KIAA1328: variants seen among roughly 807,000 people sequenced by gnomAD.
KIAA1328 encodes KIAA1328.
Under a neutral mutation model 68.1 loss-of-function variants are expected in KIAA1328, and 52 were observed. That is an observed-to-expected ratio of 0.76 (90% CI 0.61 to 0.96). KIAA1328 has a LOEUF of 0.96. KIAA1328 is among the 40% of genes least tolerant of loss of function. The pLI is 0.00. For synonymous variants in KIAA1328, 232 were observed against 239.4 expected, an observed-to-expected ratio of 0.97 and a Z score of 0.28; for missense variants, 641 against 677.6, an observed-to-expected ratio of 0.95 and a Z score of 0.60.
At chr18:37,010,918 A>T (rs1380581980) in intron 6 of KIAA1328, among the ~76,000 whole-genome samples, 1 of 152,210 alleles carries the variant, frequency 6.6e-6, no homozygotes, top group Non-Finnish European at 1.5e-5. Flanking sequence ...AAATTTTCTA[A>T]CCATGAAATT....
At chr18:36,983,964 T>G (rs1314011471) in intron 6 of KIAA1328, among the ~76,000 whole-genome samples, 1 of 152,114 alleles carries the variant, frequency 6.6e-6, no homozygotes, top group Admixed American at 6.6e-5. Flanking sequence ...GGAAACCAAT[T>G]AACACAATTC....
At chr18:36,991,248 T>C (rs934314584) in intron 6 of KIAA1328, among the ~76,000 whole-genome samples, 1 of 152,210 alleles carries the variant, frequency 6.6e-6, no homozygotes. Context: ...TTTTCTCTTA[T>C]GGCTGCATAG....
chr18:37,186,094 C>CTTTTTTTTTTTTTT (rs748423012), intron 9 of KIAA1328, among the ~76,000 whole-genome samples: 1 of 90,434 alleles, frequency 1.1e-5, no homozygotes. Flanking sequence ...TCAAGGATGT[C>CTTTTTTTTTTTTTT]TTTTTTTTTT....
At chr18:37,051,282 G>A (rs2055684687) in intron 6 of KIAA1328, among the ~76,000 whole-genome samples, 1 of 150,602 alleles carries the variant, frequency 6.6e-6, no homozygotes, top group South Asian at 2.1e-4. Flanking sequence ...ACTCTGAAAG[G>A]ATAAACAAAA....
intron 4 of KIAA1328, among the ~76,000 whole-genome samples, chr18:36,846,284 G>A (rs1418496390): frequency 2.0e-5 from 3 of 151,404 alleles, no homozygotes; most frequent in South Asian, 2.1e-4. Flanking sequence ...GTATACTTAC[G>A]TCTCTTTTAT....
At chr18:37,136,234 A>G (rs1225126022) in intron 7 of KIAA1328, among the ~76,000 whole-genome samples, 1 of 152,114 alleles carries the variant, frequency 6.6e-6, no homozygotes, top group Non-Finnish European at 1.5e-5. Context: ...CTTAAAGGAG[A>G]TTTCAGCCAC....
intron 5 of KIAA1328, among the ~76,000 whole-genome samples, chr18:36,947,557 G>T (rs946825648): frequency 1.3e-5 from 2 of 152,200 alleles, no homozygotes; most frequent in Non-Finnish European, 2.9e-5. Context: ...ATAGAAAGGA[G>T]TGTCTGGGTA....
intron 5 of KIAA1328, among the ~76,000 whole-genome samples, chr18:36,944,389 T>C (rs1376344444): frequency 6.6e-6 from 1 of 152,038 alleles, no homozygotes; most frequent in South Asian, 2.1e-4. Context: ...CCATCCTGGC[T>C]AACACGGTGA....
At chr18:36,983,256 C>T (rs1485638061) in intron 6 of KIAA1328, among the ~76,000 whole-genome samples, 1 of 151,810 alleles carries the variant, frequency 6.6e-6, no homozygotes, top group Non-Finnish European at 1.5e-5. Flanking sequence ...AAAGAAATAA[C>T]CTAAAAGTAT....
intron 5 of KIAA1328, among the ~76,000 whole-genome samples, chr18:36,950,442 G>T (rs2051112081): frequency 6.6e-6 from 1 of 152,096 alleles, no homozygotes; most frequent in East Asian, 1.9e-4. Context: ...GTGCTGAAGA[G>T]ATACCAAGAT....
At chr18:37,068,440 T>G (rs753596460) in intron 7 of KIAA1328, among the ~76,000 whole-genome samples, 1 of 152,266 alleles carries the variant, frequency 6.6e-6, no homozygotes, top group Non-Finnish European at 1.5e-5. Context: ...ATTGCTGTTT[T>G]ATTATTATAT....
chr18:37,015,144 A>C lies in KIAA1328; in HGVS notation c.577-51746A>C, dbSNP rs1031980760. ...TGTCAATCTCCTGACCTCGTGATCC[A>C]CCCACCTCAGCCTCCCAAGAGTTAA... is the stretch of plus-strand genomic sequence containing the variant. On this transcript the variant is annotated intron_variant, in intron 6 of 9. Transcript: ENST00000280020. 2.5e-4 allele frequency among the ~76,000 whole-genome samples: 38 copies of C among 151,768 alleles called. 1 individual carries two copies. Among genetic ancestry groups the C allele is most frequent in the Admixed American group, 6.6e-5 (1 of 15,232 alleles).
intron 7 of KIAA1328, among the ~76,000 whole-genome samples, chr18:37,149,678 C>T (rs2058984414): frequency 6.6e-6 from 1 of 152,048 alleles, no homozygotes; most frequent in Non-Finnish European, 1.5e-5. Context: ...CTTGTGGGAC[C>T]ACTGTCATAT....
At chr18:36,843,109 A>C (rs1039525214) in intron 3 of KIAA1328, among the ~76,000 whole-genome samples, 1 of 152,176 alleles carries the variant, frequency 6.6e-6, no homozygotes, top group African/African-American at 2.4e-5. Flanking sequence ...AACATTATCC[A>C]TAATACCATA....
intron 9 of KIAA1328, among the ~76,000 whole-genome samples, chr18:37,219,221 A>T (rs561815717): frequency 1.6e-4 from 24 of 152,196 alleles, no homozygotes; most frequent in Non-Finnish European, 2.6e-4. Context: ...CTCAAGGGGC[A>T]CCCAGCTGTA....
intron 4 of KIAA1328, among the ~76,000 whole-genome samples, chr18:36,867,319 A>AAG (rs2047788261): frequency 6.6e-6 from 1 of 152,204 alleles, no homozygotes; most frequent in Non-Finnish European, 1.5e-5. Flanking sequence ...TGCTTTCACC[A>AAG]TGTGAAGTGC....
At chr18:37,136,246 A>G (rs765011113) in intron 7 of KIAA1328, among the ~76,000 whole-genome samples, 32 of 152,164 alleles carry the variant, frequency 2.1e-4, no homozygotes, top group Admixed American at 1.1e-3. Context: ...TTCAGCCACA[A>G]TCTTTAACTA....
chr18:37,140,928 A>G (rs1422195843), intron 7 of KIAA1328, among the ~76,000 whole-genome samples: 1 of 152,164 alleles, frequency 6.6e-6, no homozygotes, highest in East Asian at 1.9e-4. Context: ...AGCACAATGA[A>G]TGGTTCAAAG....
intron 7 of KIAA1328, among the ~76,000 whole-genome samples, chr18:37,135,428 T>C (rs2058621870): frequency 6.6e-6 from 1 of 152,244 alleles, no homozygotes; most frequent in Admixed American, 6.5e-5. Context: ...ATTACGGTTT[T>C]GATTTGCATT....
Sources: allele counts gnomAD v4.1 joint callset (sites outside exome capture counted in the v4.1 genomes callset), GRCh38; gene constraint gnomAD v4.1.1; transcripts MANE v1.5; gene names NCBI Gene and HGNC (gene_info 2026-07-23, HGNC 2026-07-21).